ITGA1: variants seen among roughly 807,000 people sequenced by gnomAD.
The protein encoded by ITGA1 is integrin subunit alpha 1.
In ITGA1, 85 loss-of-function variants were observed where a neutral mutation model predicts 145.9. The ratio of observed to expected loss-of-function variants is 0.58; its 90% CI spans 0.49 to 0.70. The LOEUF (loss-of-function observed/expected upper bound fraction) is 0.70. Among genes scored for constraint, ITGA1 ranks in the 30% least tolerant of loss-of-function variants. The pLI is 0.00. For synonymous variants in ITGA1, 520 were observed against 495.3 expected (o/e 1.05, Z -0.66); for missense variants, 1,351 against 1,418.7 (o/e 0.95, Z 0.77).
rs113031188 is a variant in ITGA1 at position 52,885,245 on chromosome 5, T to C, written c.774-2570T>C. Among the ~76,000 whole-genome samples, 6 of 152,178 alleles carry C rather than the reference T, an allele frequency of 3.9e-5. 1 individual carries two copies. The highest frequency in any genetic ancestry group is 1.4e-4 in the African/African-American group (6 of 41,534). ...GAGGCTTGATCACAGGCATGATTGA[T>C]TATTAACTGATTCTCTAGCCCCTCA... On this transcript the variant is annotated intron_variant, in intron 7 of 28. Transcript: ENST00000282588.
chr5:52,813,717 A>G (rs1748718875), intron 1 of ITGA1, among the ~76,000 whole-genome samples: 1 of 152,228 alleles, frequency 6.6e-6, no homozygotes, highest in Non-Finnish European at 1.5e-5. Context: ...CCCACATTCT[A>G]TGAACCAGGA....
In ITGA1 at chr5:52,788,278, C is replaced by A; in HGVS notation, c.-76C>A. The A allele has an allele frequency of 8.4e-7, 1 of 1,195,990 alleles. No individual in the cohort carries two copies. The highest frequency in any genetic ancestry group is 1.1e-6 in the Non-Finnish European group (1 of 903,658). 74.1% of individuals were successfully genotyped at this position (1,195,990 alleles called of 1,614,324 possible). ...CGCGGCAGCGGGATAAGTGGCCCAG[C>A]CAGAGAGCGCAGCTCCCGCGCCCGG... On this transcript the variant is annotated 5_prime_UTR_variant, in exon 1 of 29. Transcript: ENST00000282588.
At chr5:52,841,719 A>G (rs1749255659) in intron 1 of ITGA1, among the ~76,000 whole-genome samples, 1 of 152,104 alleles carries the variant, frequency 6.6e-6, no homozygotes, top group African/African-American at 2.4e-5. Context: ...TTTTCTTCCA[A>G]CCTCCTGTAT....
intron 16 of ITGA1, 63 bp downstream of exon 16, chr5:52,918,961 T>C (rs11952970): frequency 1.2e-4 from 157 of 1,334,972 alleles, no homozygotes; most frequent in Admixed American, 6.6e-4. Flanking sequence ...TCTAGCATGA[T>C]GAAGTCCAGT....
intron 1 of ITGA1, chr5:52,801,923 G>A: frequency 9.7e-7 from 1 of 1,033,348 alleles, no homozygotes; most frequent in Non-Finnish European, 1.4e-6. Flanking sequence ...ACAGAAAGCT[G>A]CAAGAATGGC....
At chr5:52,859,048 A>T (rs1219692540) in intron 2 of ITGA1, among the ~76,000 whole-genome samples, 1 of 152,184 alleles carries the variant, frequency 6.6e-6, no homozygotes, top group African/African-American at 2.4e-5. Flanking sequence ...AGATTAAATT[A>T]TTTAATACAC....
intron 1 of ITGA1, among the ~76,000 whole-genome samples, chr5:52,805,188 G>C (rs1334116156): frequency 1.3e-5 from 2 of 152,214 alleles, no homozygotes; most frequent in Middle Eastern, 6.8e-3. Context: ...TGGGAAGATG[G>C]GGAGGGGAAG....
chr5:52,922,653 C>G, intron 17 of ITGA1, 124 bp from the exon 18 acceptor site: 1 of 669,178 alleles, frequency 1.5e-6, no homozygotes, highest in Non-Finnish European at 2.6e-6. Flanking sequence ...GATCATATGT[C>G]AGATTAGATG....
intron 1 of ITGA1, among the ~76,000 whole-genome samples, chr5:52,793,189 C>G (rs1748274768): frequency 6.6e-6 from 1 of 152,022 alleles, no homozygotes; most frequent in Admixed American, 6.6e-5. Context: ...ATCTAATTGC[C>G]TGTCTTTCCA....
chr5:52,935,087 G>A (rs899839303), intron 23 of ITGA1, among the ~76,000 whole-genome samples: 4 of 151,786 alleles, frequency 2.6e-5, no homozygotes, highest in African/African-American at 9.7e-5. Context: ...AACTTATTAG[G>A]GTCCAGATTT....
At position 52,849,249 on chromosome 5, in the gene ITGA1, C is replaced by CTT. The variant is rs200460098; in HGVS notation, c.62-108_62-107dup. The CTT allele has an allele frequency of 5.8e-6, 5 of 859,518 alleles. No homozygotes were observed. In the Admixed American group the frequency reaches 1.1e-4, roughly 20 times the overall value. The allele number at this position is 859,518 out of a possible 1,614,324, so 53.2% of individuals were successfully genotyped here. On this transcript the variant is annotated intron_variant, in intron 1 of 28. Transcript: ENST00000282588. The stretch of plus-strand genomic sequence containing the variant: ...CCTTGAGTTTTCATTCTTTGAGCTT[C>CTT]TTTTTTTTTAATAGAAACAGCTTTC...
intron 2 of ITGA1, 97 bp downstream of exon 2, chr5:52,849,582 A>G: frequency 9.2e-7 from 1 of 1,091,114 alleles, no homozygotes; most frequent in Non-Finnish European, 1.3e-6. Flanking sequence ...AAACTTTAAC[A>G]GAATGAATTA....
chr5:52,848,670 G>A (rs931159449), intron 1 of ITGA1, among the ~76,000 whole-genome samples: 1 of 151,768 alleles, frequency 6.6e-6, no homozygotes, highest in African/African-American at 2.4e-5. Context: ...GTTGGTGTGC[G>A]GCACCCATTA....
chr5:52,884,222 T>C (rs1185376400), intron 7 of ITGA1, among the ~76,000 whole-genome samples: 1 of 152,038 alleles, frequency 6.6e-6, no homozygotes, highest in Non-Finnish European at 1.5e-5. Context: ...GGCGGCTGGA[T>C]CACCTGAGGT....
intron 1 of ITGA1, among the ~76,000 whole-genome samples, chr5:52,798,176 C>T (rs754853370): frequency 2.0e-5 from 3 of 152,108 alleles, no homozygotes; most frequent in Admixed American, 6.5e-5. Context: ...TAGTTCTTTG[C>T]TTAGTGAAAA....
intron 16 of ITGA1, 64 bp from the exon 17 acceptor site, chr5:52,920,268 C>T (rs1461316299): frequency 7.9e-6 from 10 of 1,258,704 alleles, no homozygotes; most frequent in Non-Finnish European, 1.1e-5. Flanking sequence ...ATTTAATAAT[C>T]TGTACAATAT....
At chr5:52,799,830 C>G (rs1331608333) in intron 1 of ITGA1, 1 of 156,742 alleles carries the variant, frequency 6.4e-6, no homozygotes. Flanking sequence ...GCAGTGGCAG[C>G]CGCAGGCAGG....
At chr5:52,805,178 TG>T (rs1748566281) in intron 1 of ITGA1, among the ~76,000 whole-genome samples, 1 of 151,944 alleles carries the variant, frequency 6.6e-6, no homozygotes, top group Admixed American at 6.6e-5. Context: ...AGAAATTAAG[TG>T]GGAAGATGGG....
At chr5:52,794,500 TACACACACACACACACACAC>T (rs56996823) in intron 1 of ITGA1, among the ~76,000 whole-genome samples, 2 of 141,834 alleles carry the variant, frequency 1.4e-5, no homozygotes, top group South Asian at 2.3e-4. Flanking sequence ...CAAATAGAAA[TACACACACACACACACACAC>T]ACACACACAC....
Sources: gnomAD v4.1 joint callset for allele counts (sites outside exome capture counted in the v4.1 genomes callset) on GRCh38, gnomAD v4.1.1 for gene constraint, MANE v1.5 for transcripts, NCBI Gene and HGNC (gene_info 2026-07-23, HGNC 2026-07-21) for gene names.